Variants in MPP7 observed in about 807,000 individuals in gnomAD.
MPP7 encodes the protein MAGUK p55 subfamily member 7.
In MPP7, 60 loss-of-function variants were observed where a neutral mutation model predicts 76.5. That is an observed-to-expected ratio of 0.78 (90% CI 0.64 to 0.97). MPP7 has a LOEUF of 0.97. Ranked by LOEUF, MPP7 falls within the 50% of genes least tolerant of loss-of-function variation. The pLI is 0.00. For synonymous variants in MPP7, 237 were observed against 244.5 expected, an observed-to-expected ratio of 0.97 and a Z score of 0.29; for missense variants, 641 against 694.0, an observed-to-expected ratio of 0.92 and a Z score of 0.86.
At chr10:28,257,118 C>A (rs986745709) in intron 1 of MPP7, among the ~76,000 whole-genome samples, 4 of 152,188 alleles carry the variant, frequency 2.6e-5, no homozygotes, top group African/African-American at 9.7e-5. Context: ...CTACCTACAT[C>A]AAACCTATCC....
chr10:28,144,137 C>T lies in MPP7; in HGVS notation c.315+3346G>A, dbSNP rs138998148. 6.5e-3 allele frequency among the ~76,000 whole-genome samples: 984 copies of T among 152,206 alleles called. 5 individuals carry two copies. The highest frequency in any genetic ancestry group is 9.8e-3 in the Non-Finnish European group (666 of 68,008). Reference sequence around the variant, plus strand: ...CTCCTGACCTCCGGTGATCAGCCCACCTCGGCCTCCCAAAGTGCTAGTGCT... The same window carrying T: ...CTCCTGACCTCCGGTGATCAGCCCATCTCGGCCTCCCAAAGTGCTAGTGCT... On this transcript the variant is annotated intron_variant, in intron 5 of 16. Transcript: ENST00000683449.
chr10:28,110,965 T>G (rs1163214129), intron 11 of MPP7, among the ~76,000 whole-genome samples: 1 of 152,192 alleles, frequency 6.6e-6, no homozygotes, highest in African/African-American at 2.4e-5. Context: ...CAACCACAAT[T>G]TTTGGTATTG....
At chr10:28,058,749 C>CA (rs1487469500) in intron 14 of MPP7, 146 bp from the exon 15 acceptor site, 5 of 424,308 alleles carry the variant, frequency 1.2e-5, no homozygotes, top group Non-Finnish European at 2.1e-5. Context: ...CCAAGTATTT[C>CA]AAAATGTCAG....
At chr10:28,115,702 A>G (rs1834646672) in intron 11 of MPP7, among the ~76,000 whole-genome samples, 1 of 152,158 alleles carries the variant, frequency 6.6e-6, no homozygotes, top group South Asian at 2.1e-4. Flanking sequence ...TGAATTCGTT[A>G]TTTTACTCAA....
intron 2 of MPP7, among the ~76,000 whole-genome samples, chr10:28,329,630 C>CAAAA (rs10547710): frequency 1.9e-5 from 2 of 106,250 alleles, no homozygotes; most frequent in African/African-American, 7.1e-5. Context: ...GACTCCGTCT[C>CAAAA]AAAAAAAAAA....
In MPP7 at chr10:28,120,950, G is replaced by A. The variant is rs952049726; in HGVS notation, c.616-282C>T. ...AATACATTCCCATCCAAGTTTCTTCGAAATAGAAACACACAAAATATGCAC... is the reference window on the plus strand; with the variant it reads ...AATACATTCCCATCCAAGTTTCTTCAAAATAGAAACACACAAAATATGCAC... On this transcript the variant is annotated intron_variant, in intron 8 of 16. Transcript: ENST00000683449. Among the ~76,000 whole-genome samples, 3 of 152,148 alleles carry A rather than the reference G, an allele frequency of 2.0e-5. No homozygotes were observed. The East Asian group carries it at 5.8e-4, about 29-fold the overall frequency.
intron 3 of MPP7, among the ~76,000 whole-genome samples, chr10:28,195,912 T>G (rs775215644): frequency 5.9e-5 from 9 of 152,204 alleles, no homozygotes; most frequent in Non-Finnish European, 1.2e-4. Context: ...CTGAATTGTA[T>G]GTTTTAAGTG....
chr10:28,222,807 G>A (rs1427882348), intron 2 of MPP7, among the ~76,000 whole-genome samples: 32 of 148,762 alleles, frequency 2.2e-4, no homozygotes, highest in South Asian at 1.9e-3. Context: ...AGCCAAGATC[G>A]CGCCACTGCA....
intron 12 of MPP7, among the ~76,000 whole-genome samples, chr10:28,073,789 T>C (rs1047124670): frequency 6.6e-6 from 1 of 151,860 alleles, no homozygotes; most frequent in African/African-American, 2.4e-5. Flanking sequence ...AAATATTTTT[T>C]TTTTACCTAG....
chr10:28,330,081 C>A (rs1834457750), intron 1 of MPP7: 2 of 133,356 alleles, frequency 1.5e-5, no homozygotes, highest in South Asian at 4.4e-4. Flanking sequence ...CACATAGCAT[C>A]TACCAAACAC....
intron 3 of MPP7, among the ~76,000 whole-genome samples, chr10:28,162,686 T>C (rs1189684426): frequency 2.0e-5 from 3 of 152,146 alleles, no homozygotes; most frequent in Non-Finnish European, 4.4e-5. Flanking sequence ...AGGACTTACT[T>C]CCTGGTGTCA....
chr10:28,081,764 T>C (rs1852771202), intron 12 of MPP7, among the ~76,000 whole-genome samples: 1 of 143,640 alleles, frequency 7.0e-6, no homozygotes, highest in South Asian at 2.2e-4. Flanking sequence ...CAAAAAATTA[T>C]TCTCTTTTTT....
In MPP7 at chr10:28,239,377, C is replaced by A. The variant is rs1039257860; in HGVS notation, c.-131-642G>T. Among the ~76,000 whole-genome samples, 3 of 151,986 alleles carry A rather than the reference C, an allele frequency of 2.0e-5. No homozygotes were observed. In the South Asian group the frequency reaches 6.2e-4, roughly 32 times the overall value. ...GGCCAGGCTGGTCTTGAACTCCTGA[C>A]CTCAGGTCATATGCCCGCCTTGGCC... On this transcript the variant is annotated intron_variant, in intron 1 of 16. Coordinates refer to ENST00000683449, the MANE Select transcript of MPP7 (RefSeq NM_001318170.2).
chr10:28,104,374 A>C (rs1013015780), intron 11 of MPP7, among the ~76,000 whole-genome samples: 3 of 152,196 alleles, frequency 2.0e-5, no homozygotes, highest in Non-Finnish European at 4.4e-5. Flanking sequence ...CAATTACGAT[A>C]AGTCACAGAA....
intron 5 of MPP7, among the ~76,000 whole-genome samples, chr10:28,134,379 T>C (rs941913376): frequency 1.3e-5 from 2 of 152,200 alleles, no homozygotes; most frequent in African/African-American, 4.8e-5. Context: ...TATTAATTTG[T>C]AAGAACTATT....
At chr10:28,191,373 G>C (rs1837407206) in intron 3 of MPP7, among the ~76,000 whole-genome samples, 1 of 152,100 alleles carries the variant, frequency 6.6e-6, no homozygotes, top group Admixed American at 6.5e-5. Context: ...CTTACAAACA[G>C]AGATGCAAAA....
intron 1 of MPP7, among the ~76,000 whole-genome samples, chr10:28,293,248 A>G (rs143395098): frequency 7.1e-4 from 108 of 152,344 alleles, no homozygotes; most frequent in African/African-American, 2.5e-3. Context: ...AAAAGAGGCA[A>G]AGGATATATA....
chr10:28,188,179 C>A (rs1361233192), intron 3 of MPP7, among the ~76,000 whole-genome samples: 1 of 152,092 alleles, frequency 6.6e-6, no homozygotes, highest in Non-Finnish European at 1.5e-5. Context: ...TAAACTCCCA[C>A]CAAGTGTCAT....
intron 16 of MPP7, 66 bp from the exon 17 acceptor site, chr10:28,054,310 A>C: frequency 1.1e-6 from 1 of 915,072 alleles, no homozygotes; most frequent in African/African-American, 1.7e-5. Flanking sequence ...ATATCAATGC[A>C]AACATTCTAC....
Sources: allele counts gnomAD v4.1 joint callset (sites outside exome capture counted in the v4.1 genomes callset), GRCh38; gene constraint gnomAD v4.1.1; transcripts MANE v1.5; gene names NCBI Gene and HGNC (gene_info 2026-07-23, HGNC 2026-07-21).